The following MGA variants were observed in gnomAD, a reference collection of about 807,000 sequenced individuals.
MGA encodes MAX dimerization protein MGA.
MGA carries 40 observed loss-of-function variants against 261.1 expected under a neutral mutation model. The observed-to-expected ratio is 0.15, with a 90% CI of 0.12 to 0.20. MGA has a LOEUF of 0.20. MGA is among the 10% of genes least tolerant of loss of function. The pLI, the probability that MGA is intolerant of heterozygous loss-of-function variation, is 1.00. For missense variants in MGA, 3,397 were observed against 3,630.5 expected (o/e 0.94, Z 1.65); for synonymous variants, 1,302 against 1,290.6 (o/e 1.01, Z -0.19).
intron 2 of MGA, among the ~76,000 whole-genome samples, chr15:41,673,540 CTTTTTTTTT>C (rs777334913): frequency 6.7e-5 from 8 of 118,938 alleles, no homozygotes; most frequent in Non-Finnish European, 1.0e-4. Context: ...TTCTTTCTTT[CTTTTTTTTT>C]TTTTTTTTTT....
chr15:41,629,523 T>C (rs1566921953), intron 1 of MGA, among the ~76,000 whole-genome samples: 2 of 151,874 alleles, frequency 1.3e-5, no homozygotes, highest in Non-Finnish European at 2.9e-5. Context: ...TTTAAACATA[T>C]AGAACTGCCA....
upstream of MGA, among the ~76,000 whole-genome samples, chr15:41,658,608 C>T (rs1190627554): frequency 3.3e-5 from 5 of 151,832 alleles, no homozygotes; most frequent in Admixed American, 2.6e-4. Context: ...TGACATCTCC[C>T]GACCTCTCTA....
chr15:41,758,022 T>G (rs527405748), intron 19 of MGA, among the ~76,000 whole-genome samples, 183 bp downstream of exon 19: 2 of 152,290 alleles, frequency 1.3e-5, no homozygotes, highest in East Asian at 3.9e-4. Context: ...TTTTTTTCCC[T>G]TTTAATTCTT....
intron 7 of MGA, among the ~76,000 whole-genome samples, chr15:41,708,604 C>T (rs1169466149): frequency 1.3e-5 from 2 of 152,224 alleles, no homozygotes; most frequent in Admixed American, 1.3e-4. Flanking sequence ...CAGGCGTGAG[C>T]TGCCGCGCCC....
chr15:41,718,143 T>C (rs1452423194), intron 9 of MGA, among the ~76,000 whole-genome samples: 1 of 151,604 alleles, frequency 6.6e-6, no homozygotes, highest in Non-Finnish European at 1.5e-5. Context: ...TTTATGTAAT[T>C]TGCCATATAA....
chr15:41,693,602 T>C (rs911703386), intron 2 of MGA, among the ~76,000 whole-genome samples: 4 of 152,088 alleles, frequency 2.6e-5, no homozygotes, highest in African/African-American at 9.7e-5. Flanking sequence ...AAATAGTACT[T>C]CATTAATGAT....
chr15:41,740,838 ATC>A (rs1484053932), intron 14 of MGA, among the ~76,000 whole-genome samples: 2 of 152,216 alleles, frequency 1.3e-5, no homozygotes, highest in Non-Finnish European at 2.9e-5. Flanking sequence ...ATGAATGAAA[ATC>A]TCTCTTTTCC....
In MGA at chr15:41,674,551, G is replaced by C. The variant is rs1254725005; in HGVS notation, c.1064+4593G>C. Among the ~76,000 whole-genome samples, 4 of 151,670 alleles carry C rather than the reference G, an allele frequency of 2.6e-5. No homozygotes were observed. The East Asian group carries it at 7.7e-4, about 29-fold the overall frequency. ...TATTTTTTTTTTTAGACAGAGTCTT[G>C]CTGTGTCACCCAGGCTGAAACGTAG... On this transcript the variant is annotated intron_variant, in intron 2 of 23. Transcript: ENST00000219905.
chr15:41,675,672 C>T (rs977656070), intron 2 of MGA, among the ~76,000 whole-genome samples: 16 of 152,074 alleles, frequency 1.1e-4, no homozygotes, highest in African/African-American at 3.6e-4. Flanking sequence ...CCACTGTGCC[C>T]GGCTCTTTAG....
At chr15:41,703,073 G>C (rs1460867671) in intron 5 of MGA, among the ~76,000 whole-genome samples, 2 of 151,992 alleles carry the variant, frequency 1.3e-5, no homozygotes, top group African/African-American at 4.8e-5. Flanking sequence ...ACTTTATTCA[G>C]ATTTCCTTAG....
At chr15:41,697,121 T>C in intron 3 of MGA, 98 bp downstream of exon 3, 1 of 1,076,204 alleles carries the variant, frequency 9.3e-7, no homozygotes, top group South Asian at 1.8e-5. Context: ...AGTTTTGTGA[T>C]ATCTATTTGT....
At chr15:41,761,600 C>T (rs1216821121) in intron 20 of MGA, 139 bp from the exon 21 acceptor site, 1 of 572,296 alleles carries the variant, frequency 1.7e-6, no homozygotes, top group Non-Finnish European at 3.1e-6. Context: ...TCTGAAACAT[C>T]AACAATTGTT....
At chr15:41,643,661 G>T (rs1343795685) in intron 1 of MGA, among the ~76,000 whole-genome samples, 1 of 151,780 alleles carries the variant, frequency 6.6e-6, no homozygotes, top group Admixed American at 6.6e-5. Context: ...TCTGTACATT[G>T]CCTTTTCACT....
At chr15:41,665,904 A>G (rs1338966271) in intron 1 of MGA, among the ~76,000 whole-genome samples, 1 of 151,806 alleles carries the variant, frequency 6.6e-6, no homozygotes, top group Non-Finnish European at 1.5e-5. Flanking sequence ...ATAATTAACT[A>G]ATTTTAACTT....
At chr15:41,677,746 T>C (rs2058461213) in intron 2 of MGA, among the ~76,000 whole-genome samples, 2 of 152,232 alleles carry the variant, frequency 1.3e-5, no homozygotes, top group South Asian at 4.1e-4. Flanking sequence ...AGGAGAAATG[T>C]TTATTCAAGT....
chr15:41,739,271 T>C (rs1365817194), intron 13 of MGA, among the ~76,000 whole-genome samples: 2 of 152,210 alleles, frequency 1.3e-5, no homozygotes, highest in Admixed American at 6.5e-5. Flanking sequence ...GTTAATTATG[T>C]CTAGAATAAG....
rs778907113 is a variant in MGA at position 41,748,790 on chromosome 15, T to G, written c.5366T>G (p.Leu1789Trp). The G allele has an allele frequency of 2.5e-6, 4 of 1,613,994 alleles. No homozygotes were observed. Among genetic ancestry groups the G allele is most frequent in the Non-Finnish European group, 3.4e-6 (4 of 1,179,890 alleles). The change falls in exon 16 of 24, where the codon TTG becomes TGG. Residue 1789 changes from leucine (L) to tryptophan (W), a missense_variant. Physicochemically the swap from Leu to Trp is moderately conservative, Grantham distance 61 (BLOSUM62 -2). Around this residue, in one of 9 missense-constraint regions of MGA, gnomAD observed 1,410 missense variants for 1,386.4 expected, o/e 1.02. Transcript: ENST00000219905. ...CAACTTCAGGGACATCGGATGGTCT[T>G]GCAGCCTGTTAGGAGTCCAAGTGGA...
chr15:41,631,733 A>G (rs1176148958), intron 1 of MGA, among the ~76,000 whole-genome samples: 1 of 152,162 alleles, frequency 6.6e-6, no homozygotes, highest in Non-Finnish European at 1.5e-5. Context: ...ATGTATTTTC[A>G]TTAAAGGCAA....
intron 20 of MGA, 69 bp from the exon 21 acceptor site, chr15:41,761,670 G>A (rs1433121887): frequency 2.3e-6 from 2 of 880,960 alleles, no homozygotes; most frequent in Non-Finnish European, 3.4e-6. Context: ...TAGAGAAATT[G>A]TATAGGCCTT....
Sources: allele counts gnomAD v4.1 joint callset (sites outside exome capture counted in the v4.1 genomes callset), GRCh38; gene constraint gnomAD v4.1.1; regional missense constraint gnomAD v4.1.1; transcripts MANE v1.5; gene names NCBI Gene and HGNC (gene_info 2026-07-23, HGNC 2026-07-21).